Variants in DENND1A observed in about 807,000 individuals in gnomAD.
The protein encoded by DENND1A is DENN domain containing 1A, also known as DENN domain-containing protein 1A.
A neutral mutation model predicts 113.7 loss-of-function variants in DENND1A; 51 were observed. That is an observed-to-expected ratio of 0.45 (90% CI 0.36 to 0.57). DENND1A has a LOEUF of 0.57. Ranked by LOEUF, DENND1A falls within the 20% of genes least tolerant of loss-of-function variation. DENND1A has a pLI of 0.00. For missense variants in DENND1A, 1,258 were observed against 1,395.9 expected, an observed-to-expected ratio of 0.90 and a Z score of 1.57; for synonymous variants, 565 against 570.8, an observed-to-expected ratio of 0.99 and a Z score of 0.14.
chr9:123,790,387 GA>G (rs35840055), intron 3 of DENND1A, among the ~76,000 whole-genome samples: 82 of 145,416 alleles, frequency 5.6e-4, no homozygotes, highest in Non-Finnish European at 8.6e-4. Context: ...TATAGGAGGC[GA>G]AAAAAAAAAG....
intron 9 of DENND1A, among the ~76,000 whole-genome samples, chr9:123,646,431 A>G (rs1589496868): frequency 6.6e-6 from 1 of 152,150 alleles, no homozygotes; most frequent in African/African-American, 2.4e-5. Flanking sequence ...GAAGTCTGGG[A>G]GCTTCTATAG....
At chr9:123,535,056 T>A (rs1469861122) in intron 13 of DENND1A, among the ~76,000 whole-genome samples, 4 of 152,044 alleles carry the variant, frequency 2.6e-5, no homozygotes, top group Admixed American at 2.0e-4. Context: ...CATCAGCAAA[T>A]CCTGTCACCT....
At chr9:123,593,458 G>T (rs1482442239) in intron 11 of DENND1A, among the ~76,000 whole-genome samples, 1 of 152,100 alleles carries the variant, frequency 6.6e-6, no homozygotes, top group Non-Finnish European at 1.5e-5. Flanking sequence ...AAGGGGAAGG[G>T]TCTAGGCTGG....
At chr9:123,695,819 G>T (rs1290692404) in intron 5 of DENND1A, among the ~76,000 whole-genome samples, 4 of 152,158 alleles carry the variant, frequency 2.6e-5, no homozygotes, top group Non-Finnish European at 5.9e-5. Context: ...TCTAACAGAG[G>T]CAGTTAATAA....
chr9:123,805,020 G>A (rs964379629), intron 2 of DENND1A, among the ~76,000 whole-genome samples: 1 of 152,042 alleles, frequency 6.6e-6, no homozygotes, highest in African/African-American at 2.4e-5. Flanking sequence ...TGGTCTGCTT[G>A]CTGCTTCTCA....
intron 13 of DENND1A, among the ~76,000 whole-genome samples, chr9:123,493,961 T>C (rs1387578579): frequency 6.6e-6 from 1 of 152,168 alleles, no homozygotes; most frequent in East Asian, 1.9e-4. Context: ...AAAAAGACTC[T>C]GAGGTTTCTG....
intron 11 of DENND1A, among the ~76,000 whole-genome samples, chr9:123,589,690 C>T (rs2059368371): frequency 1.4e-5 from 2 of 147,072 alleles, no homozygotes; most frequent in South Asian, 2.2e-4. Context: ...TGCACACTGG[C>T]TTTCCAAATG....
chr9:123,482,394 G>A (rs891889207), intron 13 of DENND1A, among the ~76,000 whole-genome samples: 7 of 152,102 alleles, frequency 4.6e-5, no homozygotes, highest in African/African-American at 7.2e-5. Flanking sequence ...CACCGCACCC[G>A]GCCCATTATC....
chr9:123,912,370 T>C (rs1348883350), intron 1 of DENND1A, among the ~76,000 whole-genome samples: 4 of 152,148 alleles, frequency 2.6e-5, no homozygotes, highest in Admixed American at 1.3e-4. Flanking sequence ...ATGTATCACA[T>C]TGTTGGAGCC....
At chr9:123,856,141 T>C (rs974828055) in intron 2 of DENND1A, among the ~76,000 whole-genome samples, 3 of 152,110 alleles carry the variant, frequency 2.0e-5, no homozygotes, top group African/African-American at 4.8e-5. Flanking sequence ...GAAAAAAACA[T>C]AGGAAAAGAT....
At chr9:123,766,217 C>A (rs962911150) in intron 4 of DENND1A, among the ~76,000 whole-genome samples, 1 of 152,196 alleles carries the variant, frequency 6.6e-6, no homozygotes, top group Non-Finnish European at 1.5e-5. Context: ...GCTGTCCTGG[C>A]AGACTCAATA....
chr9:123,819,301 T>C (rs1420317230), intron 2 of DENND1A, among the ~76,000 whole-genome samples: 1 of 151,942 alleles, frequency 6.6e-6, no homozygotes, highest in African/African-American at 2.4e-5. Context: ...CCTAACAGAG[T>C]CAAATGTTTG....
chr9:123,450,044 A>G (rs1442015301), intron 18 of DENND1A, among the ~76,000 whole-genome samples: 2 of 50,460 alleles, frequency 4.0e-5, no homozygotes, highest in South Asian at 1.1e-3. Flanking sequence ...ATAAAAAAAG[A>G]AAAAAAAAAA....
chr9:123,561,166 C>T (rs749473695), intron 12 of DENND1A, among the ~76,000 whole-genome samples: 3 of 152,244 alleles, frequency 2.0e-5, no homozygotes, highest in Non-Finnish European at 2.9e-5. Flanking sequence ...GATTATTCCT[C>T]ACTTAACCTT....
chr9:123,814,935 G>T (rs1590200959), intron 2 of DENND1A, among the ~76,000 whole-genome samples: 1 of 152,320 alleles, frequency 6.6e-6, no homozygotes, highest in East Asian at 1.9e-4. Context: ...TTCATTGAAT[G>T]ATAGTTTTGA....
chr9:123,614,203 C>G (rs958604141), intron 10 of DENND1A, among the ~76,000 whole-genome samples: 2 of 152,220 alleles, frequency 1.3e-5, no homozygotes, highest in Non-Finnish European at 2.9e-5. Flanking sequence ...TGAAGCCGTA[C>G]TTCAGACGCA....
chr9:123,600,236 A>AAAC (rs1182478984), intron 11 of DENND1A, among the ~76,000 whole-genome samples: 1 of 152,222 alleles, frequency 6.6e-6, no homozygotes, highest in Non-Finnish European at 1.5e-5. Context: ...GTTTCTTTGT[A>AAAC]AGGGAAGGAT....
At chr9:123,536,986 A>G (rs941946558) in intron 13 of DENND1A, among the ~76,000 whole-genome samples, 2 of 152,226 alleles carry the variant, frequency 1.3e-5, no homozygotes, top group African/African-American at 2.4e-5. Flanking sequence ...ATCAAATCCC[A>G]CATAAGGTTA....
chr9:123,425,846 G>A (rs2045681401), intron 19 of DENND1A, among the ~76,000 whole-genome samples: 1 of 152,260 alleles, frequency 6.6e-6, no homozygotes, highest in Non-Finnish European at 1.5e-5. Context: ...GCCTTGAAGG[G>A]TTGGGAGGAT....
Sources: allele counts gnomAD v4.1 joint callset (sites outside exome capture counted in the v4.1 genomes callset), GRCh38; gene constraint gnomAD v4.1.1; transcripts MANE v1.5; gene names NCBI Gene and HGNC (gene_info 2026-07-23, HGNC 2026-07-21).